The following LMO7 variants were observed in gnomAD, a reference collection of about 807,000 sequenced individuals.
LMO7 encodes the protein LIM domain 7.
In LMO7, 120 loss-of-function variants were observed where a neutral mutation model predicts 206.5. That is an observed-to-expected ratio of 0.58 (90% CI 0.50 to 0.68). The LOEUF (loss-of-function observed/expected upper bound fraction) is 0.68. LMO7 is among the 30% of genes least tolerant of loss of function. LMO7 has a pLI of 0.00. For synonymous variants in LMO7, 706 were observed against 681.5 expected, an observed-to-expected ratio of 1.04 and a Z score of -0.56; for missense variants, 1,959 against 1,957.9, an observed-to-expected ratio of 1.00 and a Z score of -0.01.
chr13:75,748,913 GTGATCCTCCCA>G (rs2047070750), intron 3 of LMO7, among the ~76,000 whole-genome samples: 1 of 151,358 alleles, frequency 6.6e-6, no homozygotes, highest in Admixed American at 6.6e-5. Context: ...TGGGCTCCCA[GTGATCCTCCCA>G]TCTCAGCCTC....
Position 75,689,709 on chromosome 13 carries a change from A to G in LMO7, c.70-23473A>G, listed in dbSNP as rs2041299534. ...TGCCAGATGCTTCCTGCCCTCAAAC[A>G]TCACACTCCAGGTTCTTCAGGTTTT... On this transcript the variant is annotated intron_variant, in intron 1 of 30. Coordinates refer to ENST00000377534, the MANE Select transcript of LMO7 (RefSeq NM_001306080.2). Among the ~76,000 whole-genome samples, 4 of 152,158 alleles carry G rather than the reference A, an allele frequency of 2.6e-5. No individual in the cohort carries two copies. In the South Asian group the frequency reaches 8.3e-4, roughly 32 times the overall value.
At chr13:75,786,540 A>G (rs74524975) in intron 4 of LMO7, among the ~76,000 whole-genome samples, 12 of 151,894 alleles carry the variant, frequency 7.9e-5, no homozygotes, top group African/African-American at 2.9e-4. Context: ...ACGCCTGGCT[A>G]ATTTTTTTTT....
intron 29 of LMO7, among the ~76,000 whole-genome samples, 186 bp from the exon 30 acceptor site, chr13:75,856,320 T>C (rs2060941532): frequency 1.3e-5 from 2 of 152,346 alleles, no homozygotes; most frequent in South Asian, 2.1e-4. Flanking sequence ...TTATGAATTC[T>C]TTAACATCTT....
At chr13:75,763,207 A>G (rs763455608) in intron 4 of LMO7, among the ~76,000 whole-genome samples, 1 of 152,124 alleles carries the variant, frequency 6.6e-6, no homozygotes, top group East Asian at 1.9e-4. Context: ...TAGCTGGGTG[A>G]GTGTGCTACA....
intron 4 of LMO7, among the ~76,000 whole-genome samples, chr13:75,763,587 C>G (rs2048463038): frequency 6.6e-6 from 1 of 152,080 alleles, no homozygotes; most frequent in Non-Finnish European, 1.5e-5. Flanking sequence ...TTAAATTTAA[C>G]AAGGTGTAGC....
At chr13:75,633,607 A>T (rs1474770772), upstream of LMO7, among the ~76,000 whole-genome samples, 1 of 152,134 alleles carries the variant, frequency 6.6e-6, no homozygotes, top group Non-Finnish European at 1.5e-5. Flanking sequence ...AGGCAATGTC[A>T]TTCCAAAAAA....
chr13:75,779,010 T>C (rs1264974959), intron 4 of LMO7, among the ~76,000 whole-genome samples: 2 of 152,036 alleles, frequency 1.3e-5, no homozygotes, highest in African/African-American at 4.8e-5. Flanking sequence ...TCAAGAGATA[T>C]TTAGGAGCTC....
intron 27 of LMO7, 42 bp downstream of exon 27, chr13:75,849,334 A>C: frequency 6.9e-7 from 1 of 1,449,450 alleles, no homozygotes; most frequent in Non-Finnish European, 9.7e-7. Context: ...CTTTACTGTG[A>C]GGCAGATATT....
chr13:75,735,258 C>T (rs970134697), intron 3 of LMO7, among the ~76,000 whole-genome samples: 1 of 152,038 alleles, frequency 6.6e-6, no homozygotes, highest in South Asian at 2.1e-4. Context: ...CCCCCACTCA[C>T]CCCCTCTTCA....
intron 27 of LMO7, among the ~76,000 whole-genome samples, chr13:75,849,524 T>A (rs2060311214): frequency 6.7e-6 from 1 of 150,346 alleles, no homozygotes. Flanking sequence ...ATGAGGGAAC[T>A]TTGACTCAAG....
chr13:75,672,605 A>G (rs1327855949), intron 1 of LMO7, among the ~76,000 whole-genome samples: 1 of 152,162 alleles, frequency 6.6e-6, no homozygotes, highest in Non-Finnish European at 1.5e-5. Flanking sequence ...AACACTGGGC[A>G]CAGGTTGTTT....
chr13:75,744,262 C>T (rs767666747), intron 3 of LMO7, among the ~76,000 whole-genome samples: 39 of 152,168 alleles, frequency 2.6e-4, no homozygotes, highest in Non-Finnish European at 4.9e-4. Flanking sequence ...CATGACGTGG[C>T]ACTGCAAATG....
chr13:75,649,417 A>G (rs958545676), intron 1 of LMO7, among the ~76,000 whole-genome samples: 3 of 152,246 alleles, frequency 2.0e-5, no homozygotes, highest in Non-Finnish European at 4.4e-5. Flanking sequence ...TTTATGAAAG[A>G]TAAGTAGAGA....
intron 1 of LMO7, among the ~76,000 whole-genome samples, chr13:75,681,628 C>T (rs1280890276): frequency 6.7e-6 from 1 of 149,176 alleles, no homozygotes; most frequent in East Asian, 2.0e-4. Flanking sequence ...GCCCTGGCAA[C>T]CCCTGATCTG....
At chr13:75,751,952 G>A (rs983854386) in intron 3 of LMO7, among the ~76,000 whole-genome samples, 7 of 152,112 alleles carry the variant, frequency 4.6e-5, no homozygotes, top group Non-Finnish European at 1.0e-4. Flanking sequence ...AAGTAAAAGT[G>A]AAAGTGACTT....
chr13:75,800,665 T>C lies in LMO7; in HGVS notation c.463-19T>C, dbSNP rs761770792. Reference sequence around the variant, plus strand: ...GAAGTTTATTTAACTTACTATTCTTTAAAAAACGTTTTCTTTAGGCACTCG... The same window carrying C: ...GAAGTTTATTTAACTTACTATTCTTCAAAAAACGTTTTCTTTAGGCACTCG... On this transcript the variant is annotated intron_variant, in intron 6 of 30. Coordinates refer to ENST00000377534, the MANE Select transcript of LMO7 (RefSeq NM_001306080.2). 1.4e-5 allele frequency: 23 copies of C among 1,610,474 alleles called. No individual in the cohort carries two copies. In the East Asian group the frequency reaches 4.5e-4, roughly 31 times the overall value.
chr13:75,761,576 A>G (rs1489870218), intron 4 of LMO7, among the ~76,000 whole-genome samples: 1 of 152,128 alleles, frequency 6.6e-6, no homozygotes, highest in African/African-American at 2.4e-5. Flanking sequence ...CACGATTTTA[A>G]TAGTGTGGAT....
intron 2 of LMO7, among the ~76,000 whole-genome samples, chr13:75,726,792 G>A (rs1594553181): frequency 6.6e-6 from 1 of 152,216 alleles, no homozygotes; most frequent in South Asian, 2.1e-4. Flanking sequence ...GGATATAGAA[G>A]TGGGTCTGTG....
chr13:75,665,589 C>T (rs983611000), intron 1 of LMO7, among the ~76,000 whole-genome samples: 2 of 151,588 alleles, frequency 1.3e-5, no homozygotes, highest in Non-Finnish European at 2.9e-5. Flanking sequence ...TGCAATGGCG[C>T]GATCTCAGCT....
Sources: gnomAD v4.1 joint callset for allele counts (sites outside exome capture counted in the v4.1 genomes callset) on GRCh38, gnomAD v4.1.1 for gene constraint, MANE v1.5 for transcripts, NCBI Gene and HGNC (gene_info 2026-07-23, HGNC 2026-07-21) for gene names.